The following RIMS1 variants were observed in gnomAD, a reference collection of about 807,000 sequenced individuals.
The protein encoded by RIMS1 is regulating synaptic membrane exocytosis 1.
RIMS1 carries 83 observed loss-of-function variants against 214.1 expected under a neutral mutation model. The ratio of observed to expected loss-of-function variants is 0.39; its 90% CI spans 0.32 to 0.47. The LOEUF (loss-of-function observed/expected upper bound fraction) is 0.47. RIMS1 is among the 20% of genes least tolerant of loss of function. RIMS1 has a pLI of 0.99. For missense variants in RIMS1, 2,050 were observed against 2,161.8 expected (o/e 0.95, Z 1.03); for synonymous variants, 793 against 786.8 (o/e 1.01, Z -0.13).
At chr6:72,093,228 A>ATATATATATATATATATATATATATAGAT (rs200655727) in intron 2 of RIMS1, among the ~76,000 whole-genome samples, 1 of 136,964 alleles carries the variant, frequency 7.3e-6, no homozygotes, top group Non-Finnish European at 1.6e-5. Context: ...ATATATATAT[A>ATATATATATATATATATATATATATAGAT]AAAACATGTG....
chr6:71,902,912 T>G (rs1215947480), intron 1 of RIMS1, among the ~76,000 whole-genome samples: 1 of 152,172 alleles, frequency 6.6e-6, no homozygotes, highest in Non-Finnish European at 1.5e-5. Context: ...CACACTTTCT[T>G]TATCCAGTCT....
chr6:72,177,898 T>C (rs2047931194), intron 4 of RIMS1, among the ~76,000 whole-genome samples: 1 of 152,226 alleles, frequency 6.6e-6, no homozygotes, highest in Non-Finnish European at 1.5e-5. Context: ...CTGAGGGACC[T>C]ACTCAGTAAT....
intron 1 of RIMS1, among the ~76,000 whole-genome samples, chr6:71,901,306 T>C (rs928532111): frequency 1.3e-5 from 2 of 152,106 alleles, no homozygotes; most frequent in East Asian, 3.8e-4. Context: ...AAAAGACTTA[T>C]TTAAGAATCT....
In RIMS1 at chr6:72,402,347, T is replaced by G. The variant is rs2098839982; in HGVS notation, c.*1633T>G. ...TTGCAGGTTTTAGCCAGACTCAGTC[T>G]CTGGGTCTGTGGTGAAATGTCTATA... On this transcript the variant is annotated 3_prime_UTR_variant, in exon 34 of 34. Coordinates refer to ENST00000521978, the MANE Select transcript of RIMS1 (RefSeq NM_014989.7). 1 of 152,640 alleles carries G rather than the reference T, an allele frequency of 6.6e-6. No individual in the cohort carries two copies. Among genetic ancestry groups the G allele is most frequent in the Non-Finnish European group, 1.5e-5 (1 of 68,040 alleles). The allele number at this position is 152,640 out of a possible 1,614,324, so 9.5% of individuals were successfully genotyped here. A position where few individuals can be genotyped will look rare whatever the true frequency, so the allele number is the denominator to read the frequency against.
chr6:72,160,400 G>A (rs2045195864), intron 4 of RIMS1, among the ~76,000 whole-genome samples: 1 of 139,384 alleles, frequency 7.2e-6, no homozygotes, highest in Non-Finnish European at 1.6e-5. Flanking sequence ...GATTGCCCTG[G>A]CCAGAACTTC....
intron 4 of RIMS1, among the ~76,000 whole-genome samples, chr6:72,110,111 A>C (rs1380045417): frequency 1.3e-5 from 2 of 152,102 alleles, no homozygotes; most frequent in Non-Finnish European, 2.9e-5. Context: ...GTAGCCTTGT[A>C]GTATAGTTTG....
At chr6:72,050,358 G>A (rs1176160483) in intron 2 of RIMS1, among the ~76,000 whole-genome samples, 1 of 152,162 alleles carries the variant, frequency 6.6e-6, no homozygotes, top group Non-Finnish European at 1.5e-5. Flanking sequence ...CTCTCTTAAA[G>A]CCTTCTCCAT....
chr6:72,264,941 C>T (rs1358558946), intron 19 of RIMS1, 34 bp from the exon 20 acceptor site: 1 of 1,400,478 alleles, frequency 7.1e-7, no homozygotes, highest in Admixed American at 1.9e-5. Flanking sequence ...ATATATTTTT[C>T]TGTTTCCTGC....
chr6:72,215,203 A>G (rs9446602), intron 6 of RIMS1, among the ~76,000 whole-genome samples: 2,649 of 152,282 alleles, frequency 0.017, 97 homozygotes, highest in African/African-American at 0.061. Context: ...CTTAATGACC[A>G]TATCATAATG....
chr6:71,979,513 A>G (rs1797981704), intron 2 of RIMS1, among the ~76,000 whole-genome samples: 1 of 152,100 alleles, frequency 6.6e-6, no homozygotes, highest in African/African-American at 2.4e-5. Context: ...TATTGTCCAT[A>G]TATTCTACTC....
At chr6:72,339,764 T>C (rs2096983420) in intron 29 of RIMS1, among the ~76,000 whole-genome samples, 1 of 152,072 alleles carries the variant, frequency 6.6e-6, no homozygotes. Flanking sequence ...TGTGTCTTTA[T>C]AGCAGCATGA....
chr6:71,960,999 G>C (rs1363122313), intron 1 of RIMS1, among the ~76,000 whole-genome samples: 1 of 152,112 alleles, frequency 6.6e-6, no homozygotes, highest in East Asian at 1.9e-4. Flanking sequence ...ATAACTATTA[G>C]TGAATGATAG....
chr6:72,082,398 T>A (rs1833617731), intron 2 of RIMS1, among the ~76,000 whole-genome samples: 1 of 152,212 alleles, frequency 6.6e-6, no homozygotes, highest in South Asian at 2.1e-4. Flanking sequence ...GCCATTTTAA[T>A]CCTCACAACA....
intron 5 of RIMS1, among the ~76,000 whole-genome samples, chr6:72,180,547 G>T (rs1206717479): frequency 6.6e-6 from 1 of 152,230 alleles, no homozygotes; most frequent in East Asian, 1.9e-4. Flanking sequence ...TTTATTGTAG[G>T]TGAAAGGGAA....
At chr6:72,083,498 A>G (rs1039625942) in intron 2 of RIMS1, among the ~76,000 whole-genome samples, 5 of 151,932 alleles carry the variant, frequency 3.3e-5, no homozygotes, top group African/African-American at 1.2e-4. Flanking sequence ...AAGATGACCT[A>G]TTTGCCCCTC....
At chr6:71,895,001 G>A (rs1771213769) in intron 1 of RIMS1, among the ~76,000 whole-genome samples, 2 of 152,154 alleles carry the variant, frequency 1.3e-5, no homozygotes, top group Non-Finnish European at 2.9e-5. Flanking sequence ...TCTGGAAGAT[G>A]ATAGTATATT....
At chr6:72,303,481 A>G (rs2094840153) in intron 26 of RIMS1, among the ~76,000 whole-genome samples, 1 of 151,274 alleles carries the variant, frequency 6.6e-6, no homozygotes, top group South Asian at 2.1e-4. Flanking sequence ...ACATTTGAAA[A>G]TTGTAATAAT....
intron 28 of RIMS1, among the ~76,000 whole-genome samples, chr6:72,330,801 A>T (rs893682221): frequency 3.3e-5 from 5 of 151,756 alleles, no homozygotes; most frequent in Admixed American, 1.3e-4. Flanking sequence ...AATCTGACTG[A>T]TTAGATTCTA....
intron 28 of RIMS1, among the ~76,000 whole-genome samples, chr6:72,324,679 G>A (rs976573238): frequency 1.8e-4 from 27 of 151,852 alleles, no homozygotes; most frequent in Admixed American, 6.6e-5. Flanking sequence ...AACAACTTAC[G>A]ATAGTAAGTT....
Sources: allele counts gnomAD v4.1 joint callset (sites outside exome capture counted in the v4.1 genomes callset), GRCh38; gene constraint gnomAD v4.1.1; transcripts MANE v1.5; gene names NCBI Gene and HGNC (gene_info 2026-07-23, HGNC 2026-07-21).